Variants in DPP6 observed in about 807,000 individuals in gnomAD.
DPP6 encodes the protein A-type potassium channel modulatory protein DPP6.
Under a neutral mutation model 122.6 loss-of-function variants are expected in DPP6, and 69 were observed. The observed-to-expected ratio is 0.56, with a 90% CI of 0.46 to 0.69. The LOEUF is 0.69. DPP6 is among the 30% of genes least tolerant of loss of function. The pLI, the probability that DPP6 is intolerant of heterozygous loss-of-function variation, is 0.00. For missense variants in DPP6, 928 were observed against 1,116.9 expected (o/e 0.83, Z 2.41); for synonymous variants, 418 against 433.1 (o/e 0.97, Z 0.43).
At chr7:154,450,252 G>C (rs1249091173) in intron 2 of DPP6, among the ~76,000 whole-genome samples, 1 of 151,970 alleles carries the variant, frequency 6.6e-6, no homozygotes, top group East Asian at 1.9e-4. Context: ...CTGTAAGGTA[G>C]AGGTAGGGAG....
At chr7:154,122,666 T>C (rs1033492282) in intron 1 of DPP6, among the ~76,000 whole-genome samples, 1 of 152,162 alleles carries the variant, frequency 6.6e-6, no homozygotes, top group African/African-American at 2.4e-5. Flanking sequence ...CAGTATGTAA[T>C]AGCCCTCTTG....
intron 1 of DPP6, among the ~76,000 whole-genome samples, chr7:154,044,418 T>C (rs1273511157): frequency 6.6e-6 from 1 of 152,198 alleles, no homozygotes; most frequent in African/African-American, 2.4e-5. Flanking sequence ...AGAACCCACA[T>C]GTATGCATGA....
At chr7:154,572,787 C>T (rs1442107423) in intron 5 of DPP6, among the ~76,000 whole-genome samples, 3 of 151,396 alleles carry the variant, frequency 2.0e-5, no homozygotes, top group Non-Finnish European at 2.9e-5. Flanking sequence ...TCAAGTGATT[C>T]GCCTCCCTCA....
chr7:154,095,224 T>C lies in DPP6; in HGVS notation c.243+42161T>C, dbSNP rs529918202. ...ACTGAGGCCTGGCTTAAATCACACG[T>C]CCAAGACCAGAGTTAGGAACAGGGC... On this transcript the variant is annotated intron_variant, in intron 1 of 25. Transcript: ENST00000377770. 8.7e-5 allele frequency: 13 copies of C among 149,260 alleles called. No homozygotes were observed. In the East Asian group the frequency reaches 2.7e-3, roughly 31 times the overall value. 9.2% of individuals were successfully genotyped at this position (149,260 alleles called of 1,614,324 possible).
At chr7:154,323,743 C>T (rs1321518579) in intron 1 of DPP6, among the ~76,000 whole-genome samples, 6 of 152,170 alleles carry the variant, frequency 3.9e-5, no homozygotes, top group Non-Finnish European at 5.9e-5. Context: ...AACACTGGGA[C>T]AAGGGGGAGC....
In DPP6 at chr7:154,483,929, G is replaced by A. The variant is rs746723404; in HGVS notation, c.457+8892G>A. Among the ~76,000 whole-genome samples, 5 of 152,214 alleles carry A rather than the reference G, an allele frequency of 3.3e-5. No individual in the cohort carries two copies. Among genetic ancestry groups the A allele is most frequent in the South Asian group, 4.1e-4 (2 of 4,826 alleles). Reference sequence around the variant, plus strand: ...AGGCTGGTCTTGAACTCCTGACCTCGTGATCTGCCCGCCTCAGCCTCCCAA... The same window carrying A: ...AGGCTGGTCTTGAACTCCTGACCTCATGATCTGCCCGCCTCAGCCTCCCAA... On this transcript the variant is annotated intron_variant, in intron 3 of 25. Transcript: ENST00000377770. The surrounding 1 kb of genome is among the most constrained non-coding windows in gnomAD (Gnocchi z 8.1).
chr7:154,718,486 T>C (rs969191511), intron 7 of DPP6, among the ~76,000 whole-genome samples: 2 of 152,104 alleles, frequency 1.3e-5, no homozygotes, highest in Non-Finnish European at 2.9e-5. Context: ...TGAATAAAAC[T>C]TCTAAATGAA....
intron 1 of DPP6, among the ~76,000 whole-genome samples, chr7:154,419,586 C>A (rs1413887849): frequency 2.6e-5 from 4 of 152,194 alleles, no homozygotes; most frequent in Non-Finnish European, 5.9e-5. Flanking sequence ...TGGTTCTGCC[C>A]TGGGCTTGTC....
At chr7:154,271,551 A>G (rs1489484023) in intron 1 of DPP6, among the ~76,000 whole-genome samples, 1 of 152,184 alleles carries the variant, frequency 6.6e-6, no homozygotes, top group African/African-American at 2.4e-5. Context: ...AATTCCCTCC[A>G]TCTTACCTTT....
chr7:154,358,567 C>T (rs570684823), intron 1 of DPP6, among the ~76,000 whole-genome samples: 36 of 152,226 alleles, frequency 2.4e-4, no homozygotes, highest in African/African-American at 8.4e-4. Flanking sequence ...TGGCACTCGA[C>T]GTGTGGGGGC....
the DPP6 span, among the ~76,000 whole-genome samples, chr7:153,798,911 T>C: frequency 1.3e-5 from 2 of 152,092 alleles, no homozygotes; most frequent in East Asian, 3.9e-4. Flanking sequence ...CTTACACGGG[T>C]AGTTCACAAC....
At position 154,257,001 on chromosome 7, in the gene DPP6, T is replaced by C. The variant is rs4726393; in HGVS notation, c.244-189213T>C. Among the ~76,000 whole-genome samples, 394 of 133,502 alleles carry C rather than the reference T, an allele frequency of 3.0e-3. 6 individuals carry two copies. The highest frequency in any genetic ancestry group is 0.02 in the Admixed American group (272 of 13,316). The allele number at this position is 133,502 out of a possible 152,430, so 87.6% of individuals were successfully genotyped here. A position where few individuals can be genotyped will look rare whatever the true frequency, so the allele number is the denominator to read the frequency against. On this transcript the variant is annotated intron_variant, in intron 1 of 25. Coordinates refer to ENST00000377770, the MANE Select transcript of DPP6 (RefSeq NM_130797.4). The stretch of plus-strand genomic sequence containing the variant: ...TCTTTTTCTTTTTCTTCTTCTTCTT[T>C]TTTTTTTTTTTTGGAGACAGTGTGT...
intron 1 of DPP6, among the ~76,000 whole-genome samples, chr7:154,229,948 A>G (rs1049497006): frequency 6.6e-6 from 1 of 152,212 alleles, no homozygotes; most frequent in African/African-American, 2.4e-5. Flanking sequence ...AAGAACTTAC[A>G]TATAATATTT....
intron 1 of DPP6, among the ~76,000 whole-genome samples, chr7:154,310,261 CT>C (rs1438008273): frequency 1.3e-5 from 2 of 152,098 alleles, no homozygotes; most frequent in African/African-American, 4.8e-5. Context: ...GGATGTTTTG[CT>C]TGTTACCAAA....
rs1001922001 is a variant in DPP6 at position 154,089,061 on chromosome 7, C to T, written c.243+35998C>T. 7.2e-5 allele frequency among the ~76,000 whole-genome samples: 11 copies of T among 151,956 alleles called. 1 individual carries two copies. Among genetic ancestry groups the T allele is most frequent in the Non-Finnish European group, 1.2e-4 (8 of 68,028 alleles). ...ATGGAGTGAGAAGTAGTTGAAAACA[C>T]TAAAGTTGTGTACCCTACAAAATTG... On this transcript the variant is annotated intron_variant, in intron 1 of 25. Coordinates refer to ENST00000377770, the MANE Select transcript of DPP6 (RefSeq NM_130797.4).
At chr7:154,503,378 A>G (rs1339769527) in intron 3 of DPP6, among the ~76,000 whole-genome samples, 12 of 152,176 alleles carry the variant, frequency 7.9e-5, no homozygotes, top group Non-Finnish European at 1.6e-4. Flanking sequence ...TTCCATGCTT[A>G]CTACCCAATT....
At chr7:154,783,460 C>T (rs10257885) in intron 10 of DPP6, among the ~76,000 whole-genome samples, 27,795 of 152,090 alleles carry the variant, frequency 0.18, 2,749 homozygotes, top group African/African-American at 0.26. Flanking sequence ...CAGGGAGCAG[C>T]GCGGGTCAGT....
intron 6 of DPP6, among the ~76,000 whole-genome samples, chr7:154,640,125 A>G (rs1835975554): frequency 6.6e-6 from 1 of 152,082 alleles, no homozygotes; most frequent in African/African-American, 2.4e-5. Flanking sequence ...GGTGGTGCAC[A>G]CCTCTAGTCC....
At chr7:154,514,807 C>T (rs546738694) in intron 3 of DPP6, among the ~76,000 whole-genome samples, 22 of 152,256 alleles carry the variant, frequency 1.4e-4, no homozygotes, top group African/African-American at 4.3e-4. Context: ...TCTTGGATGG[C>T]GCCTACTTTT....
Sources: gnomAD v4.1 joint callset for allele counts (sites outside exome capture counted in the v4.1 genomes callset) on GRCh38, gnomAD v4.1.1 for gene constraint, Gnocchi (gnomAD v3.1) non-coding constraint, MANE v1.5 for transcripts, NCBI Gene and HGNC (gene_info 2026-07-23, HGNC 2026-07-21) for gene names.